TIMP3: variants seen among roughly 807,000 people sequenced by gnomAD.
TIMP3 encodes metalloproteinase inhibitor 3.
A neutral mutation model predicts 30.0 loss-of-function variants in TIMP3; 11 were observed. The observed-to-expected ratio is 0.37, with a 90% CI of 0.23 to 0.61. TIMP3 has a LOEUF of 0.61. Among genes scored for constraint, TIMP3 ranks in the 20% least tolerant of loss-of-function variants. TIMP3 has a pLI of 0.70. For missense variants in TIMP3, 181 were observed against 276.8 expected, an observed-to-expected ratio of 0.65 and a Z score of 2.45; for synonymous variants, 112 against 111.3, an observed-to-expected ratio of 1.01 and a Z score of -0.04.
rs749974504 is a variant in TIMP3 at position 32,847,178 on chromosome 22, G to A, written c.122-2274G>A. ...ATTTCAGGAAGAATCAGTGGTAAAG[G>A]CTGGCAGACATGCCTCTGCACGGAG... On this transcript the variant is annotated intron_variant, in intron 1 of 4. Transcript: ENST00000266085. Among the ~76,000 whole-genome samples the A allele has an allele frequency of 5.3e-4, 80 of 152,320 alleles. 1 individual carries two copies. Among genetic ancestry groups the A allele is most frequent in the Non-Finnish European group, 4.7e-4 (32 of 68,026 alleles).
Position 32,859,501 on chromosome 22 carries a change from A to G in TIMP3, c.*124A>G, listed in dbSNP as rs1056783560. Reference sequence around the variant, plus strand: ...TTCTTGCAAATTTAGCACTTGGAACATTTAAAGAAAGGTCTATGCTGTCAT... The same window carrying G: ...TTCTTGCAAATTTAGCACTTGGAACGTTTAAAGAAAGGTCTATGCTGTCAT... On this transcript the variant is annotated 3_prime_UTR_variant, in exon 5 of 5. Coordinates refer to ENST00000266085, the MANE Select transcript of TIMP3 (RefSeq NM_000362.5). 1 of 1,239,244 alleles carries G rather than the reference A, an allele frequency of 8.1e-7. No homozygotes were observed. Among genetic ancestry groups the G allele is most frequent in the African/African-American group, 1.5e-5 (1 of 66,732 alleles). 76.8% of individuals were successfully genotyped at this position (1,239,244 alleles called of 1,614,324 possible).
At chr22:32,838,054 C>T (rs1601503691) in intron 1 of TIMP3, among the ~76,000 whole-genome samples, 1 of 152,224 alleles carries the variant, frequency 6.6e-6, no homozygotes, top group African/African-American at 2.4e-5. Context: ...CTGCATGCTC[C>T]TGTGGCTCCC....
At chr22:32,844,479 A>G (rs1301277363) in intron 1 of TIMP3, among the ~76,000 whole-genome samples, 1 of 152,200 alleles carries the variant, frequency 6.6e-6, no homozygotes. Flanking sequence ...AGCTCTTACT[A>G]GCACTCTTGC....
intron 1 of TIMP3, among the ~76,000 whole-genome samples, chr22:32,834,650 G>A (rs1364114374): frequency 6.6e-6 from 1 of 152,210 alleles, no homozygotes; most frequent in African/African-American, 2.4e-5. Flanking sequence ...GAGGACTCTA[G>A]TGTCCAGAAG....
chr22:32,851,781 T>C (rs945523868), intron 2 of TIMP3, among the ~76,000 whole-genome samples: 6 of 152,156 alleles, frequency 3.9e-5, no homozygotes, highest in African/African-American at 1.4e-4. Flanking sequence ...CACCATCTCA[T>C]GCCTTTCATT....
rs1458983107 is a variant in TIMP3 at position 32,857,942 on chromosome 22, T to C, written c.317-75T>C. On this transcript the variant is annotated intron_variant, in intron 3 of 4. Transcript: ENST00000266085. Reference sequence around the variant, plus strand: ...ACAGTGCCTGGGCTAAGTGGGAACATAGTAGGTGTGAATTCTCTCTGGGCT... The same window carrying C: ...ACAGTGCCTGGGCTAAGTGGGAACACAGTAGGTGTGAATTCTCTCTGGGCT... 1.8e-5 allele frequency: 29 copies of C among 1,609,870 alleles called. 1 individual carries two copies. Among genetic ancestry groups the C allele is most frequent in the South Asian group, 5.5e-5 (5 of 90,800 alleles).
rs965789256 is a variant in TIMP3 at position 32,861,531 on chromosome 22, C to T, written c.*2154C>T. ...ACACAAGTTCCCTCCCACAAGTGGA[C>T]ATCAGTGTCTTCTCTGTGAGGCATC... On this transcript the variant is annotated 3_prime_UTR_variant, in exon 5 of 5. Coordinates refer to ENST00000266085, the MANE Select transcript of TIMP3 (RefSeq NM_000362.5). The T allele has an allele frequency of 2.6e-5, 4 of 152,390 alleles. No homozygotes were observed. The highest frequency in any genetic ancestry group is 5.9e-5 in the Non-Finnish European group (4 of 68,044). The allele number at this position is 152,390 out of a possible 1,614,324, so 9.4% of individuals were successfully genotyped here. A position where few individuals can be genotyped will look rare whatever the true frequency, so the allele number is the denominator to read the frequency against.
chr22:32,822,155 CAA>C (rs35312009), intron 1 of TIMP3, among the ~76,000 whole-genome samples: 6 of 108,266 alleles, frequency 5.5e-5, no homozygotes, highest in Admixed American at 9.4e-5. Context: ...AACTCCATCT[CAA>C]AAAAAAAAAA....
chr22:32,838,908 T>G (rs1271895538), intron 1 of TIMP3, among the ~76,000 whole-genome samples: 2 of 151,716 alleles, frequency 1.3e-5, no homozygotes, highest in African/African-American at 4.8e-5. Flanking sequence ...TTAGCGATGC[T>G]AGTGAGTGTC....
intron 1 of TIMP3, among the ~76,000 whole-genome samples, chr22:32,819,096 G>A (rs1021340325): frequency 6.6e-6 from 1 of 152,364 alleles, no homozygotes; most frequent in African/African-American, 2.4e-5. Flanking sequence ...CTTGGCCAGG[G>A]GGTCACAGGG....
rs894395272 is a variant in TIMP3 at position 32,860,208 on chromosome 22, C to T, written c.*831C>T. The T allele has an allele frequency of 1.3e-5, 2 of 152,246 alleles. No homozygotes were observed. Among genetic ancestry groups the T allele is most frequent in the Non-Finnish European group, 2.9e-5 (2 of 68,040 alleles). 9.4% of individuals were successfully genotyped at this position (152,246 alleles called of 1,614,324 possible). A position where few individuals can be genotyped will look rare whatever the true frequency, so the allele number is the denominator to read the frequency against. ...GAATGTCTTTCCTCTCCCTGCCTCC[C>T]ACCAGACTTCCTCCTGGAAAACGCT... is the stretch of plus-strand genomic sequence containing the variant. On this transcript the variant is annotated 3_prime_UTR_variant, in exon 5 of 5. Coordinates refer to ENST00000266085, the MANE Select transcript of TIMP3 (RefSeq NM_000362.5).
intron 1 of TIMP3, among the ~76,000 whole-genome samples, chr22:32,848,435 C>T (rs2048130110): frequency 6.6e-6 from 1 of 152,138 alleles, no homozygotes; most frequent in South Asian, 2.1e-4. Flanking sequence ...TGGTCTGTTA[C>T]CTTATCTAGA....
intron 1 of TIMP3, among the ~76,000 whole-genome samples, chr22:32,838,870 C>T (rs2047813106): frequency 6.6e-6 from 1 of 151,700 alleles, no homozygotes. Flanking sequence ...GTGCTGGAGT[C>T]CCAGATGCAG....
intron 1 of TIMP3, among the ~76,000 whole-genome samples, chr22:32,813,534 C>G (rs2046972405): frequency 7.1e-6 from 1 of 141,452 alleles, no homozygotes; most frequent in African/African-American, 2.6e-5. Context: ...CACACACACA[C>G]ACGTGGACCA....
Position 32,858,149 on chromosome 22 carries a change from G to A in TIMP3, c.438+11G>A, listed in dbSNP as rs200471475. The A allele has an allele frequency of 1.9e-6, 3 of 1,612,248 alleles. No individual in the cohort carries two copies. The highest frequency in any genetic ancestry group is 2.5e-6 in the Non-Finnish European group (3 of 1,178,354). ...GGTTGTAACTGCAAGGTAAGCTCTG[G>A]GGTCACTGGGGGAAGGAGGGGAGGT... On this transcript the variant is annotated intron_variant, in intron 4 of 4. Coordinates refer to ENST00000266085, the MANE Select transcript of TIMP3 (RefSeq NM_000362.5).
intron 1 of TIMP3, among the ~76,000 whole-genome samples, chr22:32,811,273 C>T (rs115005594): frequency 1.6e-4 from 25 of 152,250 alleles, no homozygotes; most frequent in African/African-American, 5.3e-4. Context: ...GTGGAGAGGT[C>T]GCAAAATGGG....
intron 1 of TIMP3, among the ~76,000 whole-genome samples, chr22:32,806,659 A>G (rs1228726441): frequency 6.6e-6 from 1 of 152,230 alleles, no homozygotes; most frequent in East Asian, 1.9e-4. Flanking sequence ...AAGGGGAATA[A>G]CAATTTGTAC....
rs2048466986 is a variant in TIMP3 at position 32,859,247 on chromosome 22, TCTC to T, written c.508_510del (p.Ser170del). ...AACGAGTGTCTCTGGACCGACATGCTCTCCAATTTCGGTTACCCTGGCTACCAG... is the reference window on the plus strand; with the variant it reads ...AACGAGTGTCTCTGGACCGACATGCTCAATTTCGGTTACCCTGGCTACCAG... On this transcript the variant is annotated inframe_deletion, in exon 5 of 5. Coordinates refer to ENST00000266085, the MANE Select transcript of TIMP3 (RefSeq NM_000362.5). 1 of 1,614,006 alleles carries T rather than the reference TCTC, an allele frequency of 6.2e-7. No individual in the cohort carries two copies. Among genetic ancestry groups the T allele is most frequent in the Admixed American group, 1.7e-5 (1 of 59,996 alleles).
intron 1 of TIMP3, among the ~76,000 whole-genome samples, chr22:32,827,826 A>C (rs2047456834): frequency 6.6e-6 from 1 of 152,046 alleles, no homozygotes; most frequent in Non-Finnish European, 1.5e-5. Context: ...CAAGTTTGTC[A>C]CTGTCTCTTT....
Sources: gnomAD v4.1 joint callset for allele counts (sites outside exome capture counted in the v4.1 genomes callset) on GRCh38, gnomAD v4.1.1 for gene constraint, MANE v1.5 for transcripts, NCBI Gene and HGNC (gene_info 2026-07-23, HGNC 2026-07-21) for gene names.